PDIA6: variants seen among roughly 807,000 people sequenced by gnomAD.
PDIA6 encodes the protein protein disulfide isomerase family A member 6, also known as protein disulfide-isomerase A6.
PDIA6 carries 29 observed loss-of-function variants against 58.4 expected under a neutral mutation model. That is an observed-to-expected ratio of 0.50 (90% confidence interval 0.37 to 0.68). PDIA6 has a LOEUF of 0.68. PDIA6 is among the 30% of genes least tolerant of loss of function. The pLI is 0.00. For synonymous variants in PDIA6, 192 were observed against 202.6 expected (o/e 0.95, Z 0.44); for missense variants, 480 against 551.0 (o/e 0.87, Z 1.29).
intron 11 of PDIA6, among the ~76,000 whole-genome samples, chr2:10,786,601 T>C (rs1209089025): frequency 6.6e-6 from 1 of 152,208 alleles, no homozygotes; most frequent in Non-Finnish European, 1.5e-5. Flanking sequence ...CAGGCTTTCA[T>C]GTACTGTTCT....
intron 1 of PDIA6, among the ~76,000 whole-genome samples, chr2:10,811,164 A>T (rs1439670759): frequency 6.6e-6 from 1 of 152,166 alleles, no homozygotes; most frequent in Non-Finnish European, 1.5e-5. Context: ...CTCACAGGAA[A>T]CTAAACAGAC....
At chr2:10,819,397 G>T in intron 1 of PDIA6, 1 of 1,141,778 alleles carries the variant, frequency 8.8e-7, no homozygotes, top group Non-Finnish European at 1.3e-6. Context: ...GTGGGGATGG[G>T]GAAACTATTA....
upstream of PDIA6, chr2:10,837,469 G>T: frequency 4.4e-6 from 3 of 687,198 alleles, no homozygotes; most frequent in Non-Finnish European, 8.0e-6. Flanking sequence ...CCAGGGAGAG[G>T]TTGGTATGGA....
chr2:10,806,557 T>C (rs1035943697), intron 1 of PDIA6, among the ~76,000 whole-genome samples: 2 of 145,834 alleles, frequency 1.4e-5, no homozygotes, highest in Admixed American at 7.5e-5. Flanking sequence ...GGAGGACTGC[T>C]TGAGGCCAGC....
intron 4 of PDIA6, among the ~76,000 whole-genome samples, chr2:10,795,865 T>G (rs562148269): frequency 6.6e-6 from 1 of 152,234 alleles, no homozygotes; most frequent in African/African-American, 2.4e-5. Context: ...CTGATACTGC[T>G]CACATAAAGC....
intron 11 of PDIA6, among the ~76,000 whole-genome samples, chr2:10,785,378 A>G (rs1191851190): frequency 6.6e-6 from 1 of 152,220 alleles, no homozygotes. Flanking sequence ...GCTTTCTAAG[A>G]CTGCTGTGAA....
rs1198194439 is a variant in PDIA6 at position 10,784,206 on chromosome 2, A to T, written c.*52T>A. The stretch of plus-strand genomic sequence containing the variant: ...GAGAATGTCCCTTCACTGCTGGAAA[A>T]ATCCACTGGCTCCCAAGAAAAGAAA... On this transcript the variant is annotated 3_prime_UTR_variant, in exon 13 of 13. Coordinates refer to ENST00000272227, the MANE Select transcript of PDIA6 (RefSeq NM_005742.4). The T allele has an allele frequency of 6.2e-6, 9 of 1,462,790 alleles. No individual in the cohort carries two copies. Among genetic ancestry groups the T allele is most frequent in the South Asian group, 4.8e-5 (4 of 83,854 alleles). 90.6% of individuals were successfully genotyped at this position (1,462,790 alleles called of 1,614,324 possible).
intron 5 of PDIA6, among the ~76,000 whole-genome samples, chr2:10,792,141 A>G (rs1666063786): frequency 6.6e-6 from 1 of 152,238 alleles, no homozygotes. Context: ...TTATCAATAC[A>G]TTCAGTACAA....
chr2:10,817,062 C>T (rs968261564), upstream of PDIA6, among the ~76,000 whole-genome samples: 10 of 152,216 alleles, frequency 6.6e-5, no homozygotes, highest in Admixed American at 6.5e-5. Context: ...TCACCTTTGC[C>T]GTTCTTTGCC....
upstream of PDIA6, among the ~76,000 whole-genome samples, chr2:10,816,522 C>CTTTTTTT (rs772701227): frequency 8.6e-4 from 119 of 138,184 alleles, 4 homozygotes; most frequent in Non-Finnish European, 1.0e-3. Context: ...CCTTTTTGTG[C>CTTTTTTT]TTTCTTTTTT....
chr2:10,788,909 T>C lies in PDIA6; in HGVS notation c.913A>G (p.Ile305Val), dbSNP rs552290242. Residue 305 changes from isoleucine to valine, a missense_variant, in exon 9 of 13, where the codon ATC (isoleucine) becomes GTC (valine). Transcript: ENST00000272227. Reference sequence around the variant, plus strand: ...CCGTCTGTCTTACCAGTATCAAGGATATGGGGCAGCACAGCCACAACACAG... The same window carrying C: ...CCGTCTGTCTTACCAGTATCAAGGACATGGGGCAGCACAGCCACAACACAG... ...QLCVVAVLPH[I>V]LDTGAAGRNS... 164 of 1,613,278 alleles carry C rather than the reference T, an allele frequency of 1.0e-4. No individual in the cohort carries two copies. The East Asian group carries it at 2.5e-3, about 25-fold the overall frequency.
upstream of PDIA6, among the ~76,000 whole-genome samples, chr2:10,815,215 A>T (rs1667156392): frequency 2.6e-5 from 4 of 152,192 alleles, no homozygotes. Context: ...GGCTTCCGGA[A>T]ATGCACCAGG....
chr2:10,820,860 C>T, intron 1 of PDIA6: 1 of 702,922 alleles, frequency 1.4e-6, no homozygotes, highest in Non-Finnish European at 2.6e-6. Flanking sequence ...GAGGTCTCTT[C>T]TCATGGATGC....
intron 1 of PDIA6, among the ~76,000 whole-genome samples, chr2:10,829,646 C>T (rs1667649629): frequency 6.6e-6 from 1 of 152,220 alleles, no homozygotes; most frequent in Admixed American, 6.5e-5. Context: ...CCACACAAAT[C>T]CTAGTTCAGG....
In PDIA6 at chr2:10,812,673, C is replaced by T; in HGVS notation, c.19+5G>A. The T allele has an allele frequency of 6.5e-7, 1 of 1,535,180 alleles. No homozygotes were observed. Among genetic ancestry groups the T allele is most frequent in the Non-Finnish European group, 8.7e-7 (1 of 1,143,088 alleles). Reference sequence around the variant, plus strand: ...GCCCGCCTCCCTCCGCTGGCCCGCACCTACCGAGCACCAGGAGAGCCATGC... The same window carrying T: ...GCCCGCCTCCCTCCGCTGGCCCGCATCTACCGAGCACCAGGAGAGCCATGC... On this transcript the variant is annotated splice_donor_5th_base_variant and intron_variant, in intron 1 of 12. Transcript: ENST00000272227.
chr2:10,818,373 GC>G (rs1300855514), intron 2 of PDIA6, among the ~76,000 whole-genome samples: 1 of 150,790 alleles, frequency 6.6e-6, no homozygotes, highest in African/African-American at 2.4e-5. Flanking sequence ...TTACTATTTT[GC>G]CCAGGCTGGT....
chr2:10,796,998 A>C lies in PDIA6; in HGVS notation c.346+83T>G, dbSNP rs1666293557. ...GGTACAATGAGGTTGAGAACCTTGC[A>C]GGTAGAGCAGGTTCTCAAGCTTGTT... On this transcript the variant is annotated intron_variant, in intron 4 of 12. Transcript: ENST00000272227. 2.7e-6 allele frequency: 3 copies of C among 1,129,722 alleles called. No individual in the cohort carries two copies. The East Asian group carries it at 7.0e-5, about 27-fold the overall frequency. 70.0% of individuals were successfully genotyped at this position (1,129,722 alleles called of 1,614,324 possible).
upstream of PDIA6, among the ~76,000 whole-genome samples, chr2:10,837,272 G>A (rs1477870088): frequency 2.0e-5 from 3 of 152,210 alleles, no homozygotes; most frequent in East Asian, 1.9e-4. Flanking sequence ...AGGGGCTGAC[G>A]TCCTCACAAA....
upstream of PDIA6, among the ~76,000 whole-genome samples, chr2:10,833,058 A>G (rs1450582076): frequency 6.6e-6 from 1 of 151,948 alleles, no homozygotes; most frequent in Non-Finnish European, 1.5e-5. Context: ...GGGCATGGAG[A>G]AAGGCCAGGA....
Sources: gnomAD v4.1 joint callset for allele counts (sites outside exome capture counted in the v4.1 genomes callset) on GRCh38, gnomAD v4.1.1 for gene constraint, MANE v1.5 for transcripts, NCBI Gene and HGNC (gene_info 2026-07-23, HGNC 2026-07-21) for gene names.